The following ESR1 variants were observed in gnomAD, a reference collection of about 807,000 sequenced individuals.
ESR1 encodes estrogen receptor.
A neutral mutation model predicts 52.7 loss-of-function variants in ESR1; 12 were observed. That is an observed-to-expected ratio of 0.23 (90% confidence interval 0.15 to 0.37). The LOEUF (loss-of-function observed/expected upper bound fraction) is 0.37, where lower values mean the gene tolerates loss of function less well. Ranked by LOEUF, ESR1 falls within the 10% of genes least tolerant of loss-of-function variation. The pLI is 1.00. For synonymous variants in ESR1, 305 were observed against 316.8 expected (o/e 0.96, Z 0.39); for missense variants, 584 against 779.7 (o/e 0.75, Z 2.99).
intron 3 of ESR1, among the ~76,000 whole-genome samples, chr6:151,906,996 T>A (rs1420307077): frequency 1.3e-5 from 2 of 151,946 alleles, no homozygotes; most frequent in Non-Finnish European, 2.9e-5. Context: ...CCAGAGCAAT[T>A]AAGCAATACA....
chr6:151,802,118 T>A (rs573442879), upstream of ESR1, among the ~76,000 whole-genome samples: 15 of 152,330 alleles, frequency 9.8e-5, no homozygotes, highest in South Asian at 3.1e-3. Flanking sequence ...TCAAATGGTA[T>A]GCTTTAGATA....
chr6:151,718,209 G>A (rs937656766), intron 2 of ESR1, among the ~76,000 whole-genome samples: 1 of 152,138 alleles, frequency 6.6e-6, no homozygotes, highest in Non-Finnish European at 1.5e-5. Context: ...ATACACAAAA[G>A]ATATACCTTC....
chr6:152,001,327 A>G (rs567628708), intron 4 of ESR1, among the ~76,000 whole-genome samples: 1 of 152,140 alleles, frequency 6.6e-6, no homozygotes, highest in East Asian at 1.9e-4. Context: ...GAGAATTGGA[A>G]GGAGAAATGG....
At chr6:151,892,057 A>G (rs1354445767) in intron 3 of ESR1, among the ~76,000 whole-genome samples, 1 of 152,222 alleles carries the variant, frequency 6.6e-6, no homozygotes, top group Non-Finnish European at 1.5e-5. Context: ...TCTGGTATAT[A>G]AAAACATCAT....
At chr6:151,945,777 A>T (rs1361257467) in intron 4 of ESR1, among the ~76,000 whole-genome samples, 1 of 152,244 alleles carries the variant, frequency 6.6e-6, no homozygotes, top group Non-Finnish European at 1.5e-5. Flanking sequence ...CTGCTCTGTT[A>T]TAGGCCAAGT....
chr6:152,105,574 C>T (rs1288138098), downstream of ESR1, among the ~76,000 whole-genome samples: 6 of 150,812 alleles, frequency 4.0e-5, no homozygotes, highest in Non-Finnish European at 5.9e-5. Flanking sequence ...TACAGGCGAG[C>T]GCCACCACAC....
chr6:152,112,448 C>T (rs758880735), intron 6 of ESR1, among the ~76,000 whole-genome samples: 3 of 152,162 alleles, frequency 2.0e-5, no homozygotes, highest in Non-Finnish European at 1.5e-5. Flanking sequence ...ACCTCAGCAG[C>T]TACCAGGGAT....
chr6:151,672,224 T>C (rs1778087974), intron 1 of ESR1, among the ~76,000 whole-genome samples: 1 of 152,138 alleles, frequency 6.6e-6, no homozygotes, highest in Admixed American at 6.5e-5. Context: ...ATTGTATGTG[T>C]GTATCAAAAT....
intron 2 of ESR1, among the ~76,000 whole-genome samples, chr6:151,865,327 A>G (rs1371347595): frequency 3.3e-5 from 5 of 152,214 alleles, no homozygotes; most frequent in African/African-American, 9.6e-5. Flanking sequence ...ATGGCTGTAT[A>G]TTAGTCCATA....
chr6:151,808,634 C>G lies in ESR1; in HGVS notation c.452+270C>G, dbSNP rs73780865. Among the ~76,000 whole-genome samples, 932 of 152,252 alleles carry G rather than the reference C, an allele frequency of 6.1e-3. 12 individuals carry two copies. The highest frequency in any genetic ancestry group is 0.021 in the African/African-American group (889 of 41,556). On this transcript the variant is annotated intron_variant, in intron 1 of 7. Transcript: ENST00000206249. ...CCGTGCGAGAGGCAGACCCGAAAGCCCGGGCTTCCTAACAAAACACACGTT... is the reference window on the plus strand; with the variant it reads ...CCGTGCGAGAGGCAGACCCGAAAGCGCGGGCTTCCTAACAAAACACACGTT...
At chr6:152,079,348 G>C (rs1009391700) in intron 6 of ESR1, among the ~76,000 whole-genome samples, 3 of 152,170 alleles carry the variant, frequency 2.0e-5, no homozygotes, top group African/African-American at 4.8e-5. Flanking sequence ...AGGCAAACAG[G>C]GTCTGGGGTG....
intron 3 of ESR1, among the ~76,000 whole-genome samples, chr6:151,937,507 C>T (rs979680213): frequency 2.0e-5 from 3 of 151,986 alleles, no homozygotes; most frequent in Non-Finnish European, 4.4e-5. Context: ...CAAGAAGGAA[C>T]CTATGAACTA....
chr6:151,763,425 T>A (rs1384573735), intron 2 of ESR1, among the ~76,000 whole-genome samples: 4 of 152,248 alleles, frequency 2.6e-5, no homozygotes, highest in African/African-American at 9.6e-5. Context: ...AGGCAAAAAT[T>A]ACTAGCCAGT....
At chr6:152,127,626 A>G (rs899632482) in exon 7 of ESR1, 2 of 152,168 alleles carry the variant, frequency 1.3e-5, no homozygotes, top group Non-Finnish European at 2.9e-5. Flanking sequence ...CCTACCTCAA[A>G]TAGCAACAGA....
At chr6:151,815,824 G>A (rs190501304) in intron 1 of ESR1, among the ~76,000 whole-genome samples, 1 of 152,184 alleles carries the variant, frequency 6.6e-6, no homozygotes, top group African/African-American at 2.4e-5. Context: ...GCTGAGCAAG[G>A]CTCACTTCTC....
chr6:151,816,125 A>T lies in ESR1; in HGVS notation c.452+7761A>T, dbSNP rs117921201. ...AGTGTTTTTGAACAGAAAAACATATAAAACAAGGTTATGTATTAATGAGTT... is the reference window on the plus strand; with the variant it reads ...AGTGTTTTTGAACAGAAAAACATATTAAACAAGGTTATGTATTAATGAGTT... On this transcript the variant is annotated intron_variant, in intron 1 of 7. Transcript: ENST00000206249. Among the ~76,000 whole-genome samples, 935 of 152,356 alleles carry T rather than the reference A, an allele frequency of 6.1e-3. 4 individuals carry two copies. The highest frequency in any genetic ancestry group is 9.8e-3 in the Non-Finnish European group (670 of 68,030).
intron 2 of ESR1, among the ~76,000 whole-genome samples, chr6:151,709,954 T>C (rs912735342): frequency 6.6e-6 from 1 of 151,670 alleles, no homozygotes; most frequent in Non-Finnish European, 1.5e-5. Flanking sequence ...TATGTTTTAT[T>C]TTATTATTTT....
At chr6:151,698,951 T>C (rs1779572186) in intron 1 of ESR1, among the ~76,000 whole-genome samples, 1 of 152,086 alleles carries the variant, frequency 6.6e-6, no homozygotes, top group African/African-American at 2.4e-5. Flanking sequence ...CACATGTCAT[T>C]TGTGAAGGGA....
upstream of ESR1, among the ~76,000 whole-genome samples, chr6:151,690,122 A>G (rs1778845096): frequency 6.6e-6 from 1 of 152,220 alleles, no homozygotes; most frequent in Admixed American, 6.5e-5. Flanking sequence ...GAAAGTCCCA[A>G]AAAACACTCA....
Sources: allele counts gnomAD v4.1 joint callset (sites outside exome capture counted in the v4.1 genomes callset), GRCh38; gene constraint gnomAD v4.1.1; transcripts MANE v1.5; gene names NCBI Gene and HGNC (gene_info 2026-07-23, HGNC 2026-07-21).